The following POLG variants were observed in gnomAD, a reference collection of about 807,000 sequenced individuals.
POLG encodes the protein DNA polymerase gamma, catalytic subunit.
POLG carries 110 observed loss-of-function variants against 155.4 expected under a neutral mutation model. The ratio of observed to expected loss-of-function variants is 0.71; its 90% CI spans 0.61 to 0.83. The LOEUF is 0.83. Ranked by LOEUF, POLG falls within the 40% of genes least tolerant of loss-of-function variation. POLG has a pLI of 0.00. For missense variants in POLG, 1,685 were observed against 1,627.5 expected, an observed-to-expected ratio of 1.04 and a Z score of -0.61; for synonymous variants, 701 against 631.5, an observed-to-expected ratio of 1.11 and a Z score of -1.65.
intron 2 of POLG, among the ~76,000 whole-genome samples, chr15:89,331,224 C>T (rs139396917): frequency 2.0e-5 from 3 of 152,310 alleles, no homozygotes; most frequent in South Asian, 2.1e-4. Flanking sequence ...AAAGAGGTTC[C>T]TAGTTTTAAA....
At chr15:89,321,284 A>C in intron 16 of POLG, 24 bp from the exon 17 acceptor site, 2 of 1,613,046 alleles carry the variant, frequency 1.2e-6, no homozygotes, top group South Asian at 2.2e-5. Context: ...GAGATACCCA[A>C]ATGAGACTCT....
chr15:89,323,724 G>A (rs1018107773), intron 12 of POLG, 91 bp downstream of exon 12: 1 of 1,113,298 alleles, frequency 9.0e-7, no homozygotes, highest in Non-Finnish European at 1.4e-6. Context: ...TTAAGACCTA[G>A]GGAACTCTGG....
At chr15:89,322,359 A>G in intron 14 of POLG, among the ~76,000 whole-genome samples, 1 of 152,264 alleles carries the variant, frequency 6.6e-6, no homozygotes, top group Non-Finnish European at 1.5e-5. Context: ...TGATGGCCAC[A>G]ACCACCTTGG....
intron 16 of POLG, 89 bp from the exon 17 acceptor site, chr15:89,321,349 G>A: frequency 6.9e-7 from 1 of 1,453,684 alleles, no homozygotes; most frequent in Non-Finnish European, 9.5e-7. Context: ...AGCCTTTCCT[G>A]AGGGGATGGC....
At chr15:89,323,052 C>T (rs930938247) in intron 13 of POLG, 150 bp from the exon 14 acceptor site, 87 of 745,026 alleles carry the variant, frequency 1.2e-4, no homozygotes, top group East Asian at 8.5e-4. Flanking sequence ...CGCGCGCACG[C>T]GCGCACGCAC....
chr15:89,321,538 G>T (rs1315169539), intron 16 of POLG, among the ~76,000 whole-genome samples, 198 bp downstream of exon 16: 1 of 152,178 alleles, frequency 6.6e-6, no homozygotes, highest in Non-Finnish European at 1.5e-5. Context: ...TCACGGTCTG[G>T]CCAGGAGCAG....
At chr15:89,330,751 A>T (rs905593960) in intron 2 of POLG, among the ~76,000 whole-genome samples, 1 of 114,978 alleles carries the variant, frequency 8.7e-6, no homozygotes, top group Admixed American at 8.0e-5. Flanking sequence ...AAAAATGACA[A>T]ATGCTGCTGC....
chr15:89,323,072 T>G (rs1294741092), intron 13 of POLG, among the ~76,000 whole-genome samples, 170 bp from the exon 14 acceptor site: 1 of 152,174 alleles, frequency 6.6e-6, no homozygotes, highest in Non-Finnish European at 1.5e-5. Context: ...CACACACACG[T>G]GCACACACAT....
At position 89,327,006 on chromosome 15, in the gene POLG, C is replaced by T. The variant is rs121918052; in HGVS notation, c.1491G>A (p.Gln497=). 3 of 1,614,214 alleles carry T rather than the reference C, an allele frequency of 1.9e-6. No individual in the cohort carries two copies. The highest frequency in any genetic ancestry group is 4.5e-5 in the East Asian group (2 of 44,884). The change falls in exon 8 of 23, where the codon CAG becomes CAA. Residue 497 remains glutamine (Q), a synonymous_variant. Coordinates refer to ENST00000268124, the MANE Select transcript of POLG (RefSeq NM_002693.3). ...DLEWDLQEFK[Q]KKAKKVKKEP... ...CCTTCTTCACCTTCTTAGCTTTCTT[C>T]TGCTTAAATTCTTGCAGGTCCCACT...
In POLG at chr15:89,316,943, A is replaced by G. The variant is rs777372106; in HGVS notation, c.3644-116T>C. 3.3e-5 allele frequency: 26 copies of G among 785,800 alleles called. No homozygotes were observed. The highest frequency in any genetic ancestry group is 1.0e-4 in the African/African-American group (6 of 59,006). The allele number at this position is 785,800 out of a possible 1,614,324, so 48.7% of individuals were successfully genotyped here. A position where few individuals can be genotyped will look rare whatever the true frequency, so the allele number is the denominator to read the frequency against. On this transcript the variant is annotated intron_variant, in intron 22 of 22. Transcript: ENST00000268124. ...AAAGGAGAGTGAAAGGTTGAGAACAATTGCCACGAACGGTAATGTTACATG... is the reference window on the plus strand; with the variant it reads ...AAAGGAGAGTGAAAGGTTGAGAACAGTTGCCACGAACGGTAATGTTACATG...
At position 89,333,861 on chromosome 15, in the gene POLG, T is replaced by C; in HGVS notation, c.-107A>G. On this transcript the variant is annotated 5_prime_UTR_variant, in exon 2 of 23. Coordinates refer to ENST00000268124, the MANE Select transcript of POLG (RefSeq NM_002693.3). ...CGTGGAGAGAGACACGTCCTGTCTC[T>C]GCTCTCCTGTCAGTGAAATGGGTTT... 7.5e-7 allele frequency: 1 copy of C among 1,329,922 alleles called. No homozygotes were observed. The highest frequency in any genetic ancestry group is 1.0e-6 in the Non-Finnish European group (1 of 962,996). The allele number at this position is 1,329,922 out of a possible 1,614,324, so 82.4% of individuals were successfully genotyped here.
chr15:89,322,155 C>G (rs757356325), intron 14 of POLG, 140 bp from the exon 15 acceptor site: 1 of 836,668 alleles, frequency 1.2e-6, no homozygotes, highest in African/African-American at 1.7e-5. Flanking sequence ...TCAAGGTGAG[C>G]CCTGGCTCAG....
rs769410234 is a variant in POLG at position 89,326,932 on chromosome 15, C to G, written c.1565G>C (p.Gly522Ala). ...CCCACCTTCCTGATCCATGGGATCA[C>G]CAGGGGCCCCAGCCCCCTCGATGGG... ...KLPIEGAGAP[G>A]DPMDQEDLGP... Residue 522 changes from glycine (G) to alanine (A), a missense_variant, in exon 8 of 23, where the codon GGT becomes GCT. Transcript: ENST00000268124. The G allele has an allele frequency of 1.9e-6, 3 of 1,614,194 alleles. No individual in the cohort carries two copies. The highest frequency in any genetic ancestry group is 1.7e-5 in the Admixed American group (1 of 60,036).
chr15:89,332,997 C>T, intron 2 of POLG, 99 bp downstream of exon 2: 1 of 1,458,074 alleles, frequency 6.9e-7, no homozygotes, highest in Non-Finnish European at 9.1e-7. Flanking sequence ...CCTACGTGAG[C>T]ACCCAGCCCG....
chr15:89,325,123 TGAG>T (rs2055472832), intron 10 of POLG, among the ~76,000 whole-genome samples: 1 of 39,294 alleles, frequency 2.5e-5, no homozygotes, highest in African/African-American at 1.3e-4. Flanking sequence ...AGTGAGTGAG[TGAG>T]TGAGAGAGTG....
In POLG at chr15:89,333,306, T is replaced by A; in HGVS notation, c.449A>T (p.Tyr150Phe). The change falls in exon 2 of 23, where the codon TAC becomes TTC. Residue 150 changes from tyrosine (Y) to phenylalanine (F), a missense_variant. Around this residue, in one of 3 missense-constraint regions of POLG, gnomAD observed 1,210 missense variants for 1,167.1 expected, o/e 1.04. Transcript: ENST00000268124. Reference sequence around the variant, plus strand: ...CAACAGCAAGTTGGCCGCCTCCAGGTAGGGCAGGCTCTGCTTCTGGGCCAG... The same window carrying A: ...CAACAGCAAGTTGGCCGCCTCCAGGAAGGGCAGGCTCTGCTTCTGGGCCAG... ...RLLAQKQSLPYLEAANLLLQA... is the reference protein window; with the variant it reads ...RLLAQKQSLPFLEAANLLLQA... 6.4e-7 allele frequency: 1 copy of A among 1,555,726 alleles called. No homozygotes were observed.
chr15:89,316,619 G>T lies in POLG; in HGVS notation c.*132C>A. On this transcript the variant is annotated 3_prime_UTR_variant, in exon 23 of 23. Coordinates refer to ENST00000268124, the MANE Select transcript of POLG (RefSeq NM_002693.3). Reference sequence around the variant, plus strand: ...TCAGTTAGAAGGAATCTTCTTGGCAGGTCCTGCTACTGAAAAATGGCTGGC... The same window carrying T: ...TCAGTTAGAAGGAATCTTCTTGGCATGTCCTGCTACTGAAAAATGGCTGGC... The T allele has an allele frequency of 1.8e-6, 2 of 1,109,258 alleles. No individual in the cohort carries two copies. The highest frequency in any genetic ancestry group is 4.9e-5 in the East Asian group (2 of 41,160). 68.7% of individuals were successfully genotyped at this position (1,109,258 alleles called of 1,614,324 possible).
At chr15:89,329,236 C>T (rs559494458) in intron 3 of POLG, 126 bp from the exon 4 acceptor site, 2 of 760,604 alleles carry the variant, frequency 2.6e-6, no homozygotes, top group South Asian at 3.1e-5. Flanking sequence ...CCCCTCCCAG[C>T]ACACAGCCTT....
rs1340995594 is a variant in POLG, at chr15:89,328,759, C to G, written c.1096G>C (p.Gly366Arg). 3 of 1,613,988 alleles carry G rather than the reference C, an allele frequency of 1.9e-6. No individual in the cohort carries two copies. The highest frequency in any genetic ancestry group is 1.7e-5 in the Admixed American group (1 of 60,012). ...LAEVHRLYVG[G>R]PPLEKEPREL... The stretch of plus-strand genomic sequence containing the variant: ...CGAGGCTCCTTCTCTAAGGGAGGCC[C>G]CCCTACATAAAGTCTGTGCACCTCT... The change falls in exon 5 of 23, where the codon GGG becomes CGG. Residue 366 changes from glycine (G) to arginine (R), a missense_variant. Around this residue, in one of 3 missense-constraint regions of POLG, gnomAD observed 1,210 missense variants for 1,167.1 expected, o/e 1.04. Coordinates refer to ENST00000268124, the MANE Select transcript of POLG (RefSeq NM_002693.3).
Sources: allele counts gnomAD v4.1 joint callset (sites outside exome capture counted in the v4.1 genomes callset), GRCh38; gene constraint gnomAD v4.1.1; regional missense constraint gnomAD v4.1.1; transcripts MANE v1.5; gene names NCBI Gene and HGNC (gene_info 2026-07-23, HGNC 2026-07-21).